Variants in ZC3HAV1 observed in about 807,000 individuals in gnomAD.
ZC3HAV1 encodes zinc finger CCCH-type containing, antiviral 1.
In ZC3HAV1, 41 loss-of-function variants were observed where a neutral mutation model predicts 86.6. The observed-to-expected ratio is 0.47, with a 90% CI of 0.37 to 0.61. The LOEUF (loss-of-function observed/expected upper bound fraction) is 0.61, where lower values mean the gene tolerates loss of function less well. Among genes scored for constraint, ZC3HAV1 ranks in the 20% least tolerant of loss-of-function variants. ZC3HAV1 has a pLI of 0.00. For synonymous variants in ZC3HAV1, 421 were observed against 432.1 expected (o/e 0.97, Z 0.32); for missense variants, 964 against 1,141.1 (o/e 0.84, Z 2.24).
intron 12 of ZC3HAV1, among the ~76,000 whole-genome samples, chr7:139,050,373 T>A (rs984785741): frequency 1.3e-5 from 2 of 152,180 alleles, no homozygotes; most frequent in African/African-American, 2.4e-5. Context: ...AGTGCTTTAT[T>A]TTTTTCTTTT....
chr7:139,079,951 A>G lies in ZC3HAV1; in HGVS notation c.990T>C (p.Phe330=). The part of the protein sequence containing the change: ...GTSQAGTSQR[F]LENGSQEDLL... ...GGTCCTCTTGACTGCCGTTCTCTAA[A>G]AACCTCTGGCTTGTCCCGGCCTGAC... Residue 330 remains phenylalanine (F), a synonymous_variant, in exon 4 of 13, where the codon TTT becomes TTC. Coordinates refer to ENST00000242351, the MANE Select transcript of ZC3HAV1 (RefSeq NM_020119.4). 1 of 1,614,176 alleles carries G rather than the reference A, an allele frequency of 6.2e-7. No individual in the cohort carries two copies. Among genetic ancestry groups the G allele is most frequent in the Non-Finnish European group, 8.5e-7 (1 of 1,180,038 alleles).
At chr7:139,099,934 A>AATAAATAG (rs1817701670) in intron 1 of ZC3HAV1, among the ~76,000 whole-genome samples, 1 of 151,914 alleles carries the variant, frequency 6.6e-6, no homozygotes, top group Admixed American at 6.6e-5. Context: ...TAAATAAATA[A>AATAAATAG]ATAAATAAAC....
intron 3 of ZC3HAV1, among the ~76,000 whole-genome samples, chr7:139,081,953 T>C (rs909066855): frequency 6.6e-6 from 1 of 152,208 alleles, no homozygotes; most frequent in Non-Finnish European, 1.5e-5. Context: ...CATTATATAA[T>C]ATGAAAATGC....
intron 1 of ZC3HAV1, among the ~76,000 whole-genome samples, chr7:139,098,626 AC>A (rs935476971): frequency 5.7e-4 from 86 of 152,158 alleles, no homozygotes; most frequent in East Asian, 1.2e-3. Flanking sequence ...AAATATTGAG[AC>A]CCCCGTCTCT....
Position 139,073,850 on chromosome 7 carries a change from G to T in ZC3HAV1, c.1872+6C>A, listed in dbSNP as rs747819972. ...AGAGCCCCCTACAAGGAGGAACAGT[G>T]CTCACCTCTTCTCCATACTGAATCC... On this transcript the variant is annotated splice_donor_region_variant and intron_variant, in intron 7 of 12. Coordinates refer to ENST00000242351, the MANE Select transcript of ZC3HAV1 (RefSeq NM_020119.4). The T allele has an allele frequency of 6.2e-7, 1 of 1,608,514 alleles. No individual in the cohort carries two copies. The highest frequency in any genetic ancestry group is 1.1e-5 in the South Asian group (1 of 90,688).
chr7:139,083,745 AGAGTTCACAC>A (rs746991549), intron 3 of ZC3HAV1, 25 bp downstream of exon 3: 1 of 1,537,824 alleles, frequency 6.5e-7, no homozygotes, highest in Non-Finnish European at 8.7e-7. Flanking sequence ...AAAAAAAAAA[AGAGTTCACAC>A]AATTGAAAAA....
intron 1 of ZC3HAV1, among the ~76,000 whole-genome samples, chr7:139,096,434 A>T (rs77289829): frequency 6.6e-6 from 1 of 152,206 alleles, no homozygotes; most frequent in Admixed American, 6.5e-5. Context: ...AAGTTAACAA[A>T]TATTAACCAG....
intron 8 of ZC3HAV1, among the ~76,000 whole-genome samples, chr7:139,063,190 T>C (rs1484768109): frequency 1.3e-5 from 2 of 152,044 alleles, no homozygotes; most frequent in African/African-American, 4.8e-5. Flanking sequence ...GAACAAAGTC[T>C]ATTGGCTCTC....
intron 2 of ZC3HAV1, among the ~76,000 whole-genome samples, chr7:139,084,713 TTC>T (rs1817227189): frequency 6.6e-6 from 1 of 152,236 alleles, no homozygotes; most frequent in Non-Finnish European, 1.5e-5. Context: ...AAAAGATTTG[TTC>T]TGTCTACAAA....
In ZC3HAV1 at chr7:139,075,236, C is replaced by T. The variant is rs180936182; in HGVS notation, c.1697+1050G>A. Among the ~76,000 whole-genome samples the T allele has an allele frequency of 2.0e-5, 3 of 152,164 alleles. No homozygotes were observed. In the East Asian group the frequency reaches 5.8e-4, roughly 29 times the overall value. On this transcript the variant is annotated intron_variant, in intron 6 of 12. Coordinates refer to ENST00000242351, the MANE Select transcript of ZC3HAV1 (RefSeq NM_020119.4). The stretch of plus-strand genomic sequence containing the variant: ...GCAACCAGAAAGTAGCTCATGTCGC[C>T]CTCTAGTGGTAAAAATCCAGCAACA...
In ZC3HAV1 at chr7:139,051,409, T is replaced by TC. The variant is rs796563093; in HGVS notation, c.2449+2041_2449+2042insG. On this transcript the variant is annotated intron_variant, in intron 12 of 12. Coordinates refer to ENST00000242351, the MANE Select transcript of ZC3HAV1 (RefSeq NM_020119.4). ...CCCAACATTTGCAATCATTTAATTT[T>TC]TTTTTTTTTTTTTTTGAGACAAAAT... Among the ~76,000 whole-genome samples, 630 of 151,046 alleles carry TC rather than the reference T, an allele frequency of 4.2e-3. 8 individuals are homozygous for TC. The highest frequency in any genetic ancestry group is 0.015 in the African/African-American group (603 of 41,192).
intron 7 of ZC3HAV1, among the ~76,000 whole-genome samples, chr7:139,070,384 G>T (rs906959838): frequency 6.6e-6 from 1 of 152,166 alleles, no homozygotes; most frequent in Non-Finnish European, 1.5e-5. Flanking sequence ...ACCTCAGGAG[G>T]CCGGGCGCAG....
rs1386147203 is a variant in ZC3HAV1, at chr7:139,047,861, G to T, written c.2450-8C>A. The T allele has an allele frequency of 1.2e-6, 2 of 1,604,566 alleles. No individual in the cohort carries two copies. Among genetic ancestry groups the T allele is most frequent in the Non-Finnish European group, 1.7e-6 (2 of 1,178,282 alleles). On this transcript the variant is annotated splice_polypyrimidine_tract_variant and splice_region_variant and intron_variant, in intron 12 of 12. Coordinates refer to ENST00000242351, the MANE Select transcript of ZC3HAV1 (RefSeq NM_020119.4). ...CTTTTGCAAAGTAAATTCCTAGAAA[G>T]AATCAGAAAGAAAAGTTAAGAAATA...
At chr7:139,065,446 C>T (rs924126616) in intron 7 of ZC3HAV1, among the ~76,000 whole-genome samples, 1 of 152,162 alleles carries the variant, frequency 6.6e-6, no homozygotes, top group Non-Finnish European at 1.5e-5. Context: ...TAAAGAAAGA[C>T]CATCTGGTCC....
At chr7:139,073,237 T>G (rs986101223) in intron 7 of ZC3HAV1, among the ~76,000 whole-genome samples, 1 of 151,956 alleles carries the variant, frequency 6.6e-6, no homozygotes, top group Non-Finnish European at 1.5e-5. Context: ...AGATGGAGGT[T>G]GCAGTGAGCC....
intron 4 of ZC3HAV1, chr7:139,079,091 T>A: frequency 6.5e-7 from 1 of 1,535,818 alleles, no homozygotes; most frequent in Non-Finnish European, 8.7e-7. Flanking sequence ...CCCTTTGTCC[T>A]TCAGTGACTT....
At chr7:139,065,676 C>G (rs924124540) in intron 7 of ZC3HAV1, among the ~76,000 whole-genome samples, 5 of 152,128 alleles carry the variant, frequency 3.3e-5, no homozygotes, top group African/African-American at 1.2e-4. Context: ...GAGGCTGAGG[C>G]AGGTGGATCA....
chr7:139,061,647 A>C (rs1181141248), intron 8 of ZC3HAV1, among the ~76,000 whole-genome samples: 1 of 152,236 alleles, frequency 6.6e-6, no homozygotes, highest in Non-Finnish European at 1.5e-5. Context: ...CCACGTTGGA[A>C]AACAGTTTGG....
intron 9 of ZC3HAV1, chr7:139,060,673 TAAAAAAA>T: frequency 3.2e-6 from 3 of 935,308 alleles, no homozygotes; most frequent in African/African-American, 2.6e-5. Context: ...AGACCCCCTC[TAAAAAAA>T]AAAAAAAAAA....
Sources: gnomAD v4.1 joint callset for allele counts (sites outside exome capture counted in the v4.1 genomes callset) on GRCh38, gnomAD v4.1.1 for gene constraint, MANE v1.5 for transcripts, NCBI Gene and HGNC (gene_info 2026-07-23, HGNC 2026-07-21) for gene names.